PIP5K1B: variants seen among roughly 807,000 people sequenced by gnomAD.
PIP5K1B encodes the protein phosphatidylinositol-4-phosphate 5-kinase type 1 beta, also known as phosphatidylinositol 4-phosphate 5-kinase type-1 beta.
PIP5K1B carries 42 observed loss-of-function variants against 67.0 expected under a neutral mutation model. The observed-to-expected ratio is 0.63, with a 90% CI of 0.49 to 0.81. PIP5K1B has a LOEUF of 0.81. Ranked by LOEUF, PIP5K1B falls within the 30% of genes least tolerant of loss-of-function variation. The pLI, the probability that PIP5K1B is intolerant of heterozygous loss-of-function variation, is 0.00. For missense variants in PIP5K1B, 459 were observed against 646.3 expected (o/e 0.71, Z 3.14); for synonymous variants, 214 against 231.4 (o/e 0.92, Z 0.68).
At chr9:68,898,726 C>T (rs563767299) in intron 8 of PIP5K1B, among the ~76,000 whole-genome samples, 2 of 152,322 alleles carry the variant, frequency 1.3e-5, no homozygotes, top group South Asian at 4.1e-4. Flanking sequence ...CCCTCTTTCC[C>T]TGCATGCAGT....
At chr9:68,894,294 C>G in intron 7 of PIP5K1B, 45 bp from the exon 8 acceptor site, 1 of 1,254,976 alleles carries the variant, frequency 8.0e-7, no homozygotes, top group Non-Finnish European at 1.1e-6. Flanking sequence ...ATTATTTTGT[C>G]AAAATAGAAG....
At chr9:68,732,705 T>G (rs1015272746) in intron 1 of PIP5K1B, among the ~76,000 whole-genome samples, 1 of 152,214 alleles carries the variant, frequency 6.6e-6, no homozygotes, top group African/African-American at 2.4e-5. Flanking sequence ...TTGTTTTCCC[T>G]GGGCATGGCT....
At chr9:68,767,916 A>T (rs1830510157) in intron 2 of PIP5K1B, among the ~76,000 whole-genome samples, 2 of 152,170 alleles carry the variant, frequency 1.3e-5, no homozygotes, top group Non-Finnish European at 2.9e-5. Flanking sequence ...TTAAAGGAAT[A>T]AATAAAATTA....
chr9:68,925,282 G>T (rs1271684622), intron 12 of PIP5K1B, among the ~76,000 whole-genome samples: 1 of 152,108 alleles, frequency 6.6e-6, no homozygotes, highest in East Asian at 1.9e-4. Flanking sequence ...TTCCAAGAAA[G>T]GGGTACTAGG....
chr9:68,708,470 T>C (rs920902381), intron 1 of PIP5K1B, among the ~76,000 whole-genome samples: 17 of 152,282 alleles, frequency 1.1e-4, no homozygotes, highest in Admixed American at 8.5e-4. Flanking sequence ...GAAGGCATCA[T>C]ATAGGGAAGA....
chr9:68,751,068 T>A (rs985424105), intron 2 of PIP5K1B, among the ~76,000 whole-genome samples: 1 of 152,206 alleles, frequency 6.6e-6, no homozygotes, highest in Non-Finnish European at 1.5e-5. Context: ...GGTTCAGGGA[T>A]CATTATTGGC....
intron 4 of PIP5K1B, chr9:68,843,039 C>T (rs965737173): frequency 6.6e-6 from 1 of 152,224 alleles, no homozygotes; most frequent in African/African-American, 2.4e-5. Context: ...CTGCCCTTCA[C>T]GTCTGTGGGT....
intron 15 of PIP5K1B, among the ~76,000 whole-genome samples, chr9:69,006,828 C>T (rs1179084439): frequency 2.6e-5 from 4 of 152,160 alleles, no homozygotes; most frequent in East Asian, 3.8e-4. Context: ...TTTTTAAGAA[C>T]GCAGGACTTC....
intron 15 of PIP5K1B, among the ~76,000 whole-genome samples, chr9:68,995,577 G>A (rs1021334096): frequency 2.0e-5 from 3 of 152,024 alleles, no homozygotes; most frequent in Non-Finnish European, 4.4e-5. Flanking sequence ...AGGCCGAGGC[G>A]GGCAGATCAC....
At chr9:68,999,713 C>T (rs1366658905) in intron 15 of PIP5K1B, among the ~76,000 whole-genome samples, 1 of 152,148 alleles carries the variant, frequency 6.6e-6, no homozygotes, top group Non-Finnish European at 1.5e-5. Flanking sequence ...TCCCATTACA[C>T]GTGCCTCTAA....
Position 68,732,940 on chromosome 9 carries a change from G to A in PIP5K1B, c.-242-9561G>A, listed in dbSNP as rs540853551. 4.2e-5 allele frequency among the ~76,000 whole-genome samples: 6 copies of A among 143,676 alleles called. No individual in the cohort carries two copies. The South Asian group carries it at 1.3e-3, about 30-fold the overall frequency. The allele number at this position is 143,676 out of a possible 152,430, so 94.3% of individuals were successfully genotyped here. A position where few individuals can be genotyped will look rare whatever the true frequency, so the allele number is the denominator to read the frequency against. On this transcript the variant is annotated intron_variant, in intron 1 of 15. Transcript: ENST00000265382. ...TTGGGGGGGGGGCGGCGCGGTGGGA[G>A]ATGATGATGATGATGACGACGACGA... is the stretch of plus-strand genomic sequence containing the variant.
chr9:69,007,725 C>T (rs1831154033), intron 15 of PIP5K1B, among the ~76,000 whole-genome samples: 1 of 152,058 alleles, frequency 6.6e-6, no homozygotes, highest in Non-Finnish European at 1.5e-5. Context: ...GGCGTGATGG[C>T]AGGCAGCTGT....
At position 68,898,818 on chromosome 9, in the gene PIP5K1B, T is replaced by C. The variant is rs899662401; in HGVS notation, c.771+4180T>C. On this transcript the variant is annotated intron_variant, in intron 8 of 15. Coordinates refer to ENST00000265382, the MANE Select transcript of PIP5K1B (RefSeq NM_003558.4). The stretch of plus-strand genomic sequence containing the variant: ...ACTGTAGGCACAGCCACTGCTTTTA[T>C]TGAGACCGTGGTTATTCATCACCTG... 2.0e-5 allele frequency among the ~76,000 whole-genome samples: 3 copies of C among 152,230 alleles called. No individual in the cohort carries two copies. The South Asian group carries it at 6.2e-4, about 32-fold the overall frequency.
At chr9:68,979,524 TTTTATATTTA>T (rs1415371264) in intron 14 of PIP5K1B, among the ~76,000 whole-genome samples, 2 of 1,444 alleles carry the variant, frequency 1.4e-3, no homozygotes, top group Non-Finnish European at 3.5e-3. Context: ...GAGGAACCCT[TTTTATATTTA>T]TATCCTATCA....
At chr9:68,723,425 C>T (rs554809502) in intron 1 of PIP5K1B, among the ~76,000 whole-genome samples, 5 of 151,872 alleles carry the variant, frequency 3.3e-5, no homozygotes, top group Non-Finnish European at 4.4e-5. Context: ...CATCGTTTTC[C>T]GTAATGGCTG....
intron 12 of PIP5K1B, 73 bp from the exon 13 acceptor site, chr9:68,934,817 A>G: frequency 9.7e-7 from 1 of 1,032,658 alleles, no homozygotes; most frequent in Non-Finnish European, 1.3e-6. Flanking sequence ...ATAATAAAAT[A>G]TTCACTTTTA....
intron 4 of PIP5K1B, among the ~76,000 whole-genome samples, chr9:68,826,535 C>A (rs1426195135): frequency 6.6e-6 from 1 of 152,204 alleles, no homozygotes; most frequent in Admixed American, 6.5e-5. Context: ...CAGGCCCTAT[C>A]TGTCCCGTAG....
At chr9:68,719,973 T>G (rs1294961945) in intron 1 of PIP5K1B, among the ~76,000 whole-genome samples, 2 of 152,234 alleles carry the variant, frequency 1.3e-5, no homozygotes, top group Non-Finnish European at 2.9e-5. Flanking sequence ...CAGCACTTTC[T>G]GACCTTACAT....
At chr9:68,991,551 TTCCC>T (rs1830365848) in intron 15 of PIP5K1B, among the ~76,000 whole-genome samples, 1 of 152,230 alleles carries the variant, frequency 6.6e-6, no homozygotes, top group African/African-American at 2.4e-5. Flanking sequence ...GAGGAAATGT[TTCCC>T]TTTGACTCAG....
Sources: allele counts gnomAD v4.1 joint callset (sites outside exome capture counted in the v4.1 genomes callset), GRCh38; gene constraint gnomAD v4.1.1; transcripts MANE v1.5; gene names NCBI Gene and HGNC (gene_info 2026-07-23, HGNC 2026-07-21).